GRM8: variants seen among roughly 807,000 people sequenced by gnomAD.
GRM8 encodes the protein glutamate metabotropic receptor 8, also known as metabotropic glutamate receptor 8.
A neutral mutation model predicts 87.2 loss-of-function variants in GRM8; 47 were observed. The ratio of observed to expected loss-of-function variants is 0.54; its 90% CI spans 0.43 to 0.69. The LOEUF is 0.69. Among genes scored for constraint, GRM8 ranks in the 30% least tolerant of loss-of-function variants. GRM8 has a pLI of 0.00. For missense variants in GRM8, 1,019 were observed against 1,139.2 expected (o/e 0.89, Z 1.52); for synonymous variants, 396 against 404.5 (o/e 0.98, Z 0.25).
intron 3 of GRM8, among the ~76,000 whole-genome samples, chr7:127,024,394 T>C (rs1224399466): frequency 6.6e-6 from 1 of 152,100 alleles, no homozygotes. Context: ...TCCACTGTTT[T>C]CTGGGGCCTA....
chr7:126,550,822 TAGAAAC>T (rs1392956220), intron 8 of GRM8, among the ~76,000 whole-genome samples: 2 of 151,868 alleles, frequency 1.3e-5, no homozygotes, highest in Admixed American at 6.6e-5. Context: ...ATAAAAGACT[TAGAAAC>T]AGAATAATGG....
At chr7:126,793,079 T>G (rs1235450178) in intron 6 of GRM8, among the ~76,000 whole-genome samples, 1 of 152,200 alleles carries the variant, frequency 6.6e-6, no homozygotes, top group Non-Finnish European at 1.5e-5. Context: ...GTTGGAAGAA[T>G]GTGTTGAACA....
chr7:127,213,832 T>C (rs1414302978), intron 2 of GRM8, among the ~76,000 whole-genome samples: 2 of 152,230 alleles, frequency 1.3e-5, no homozygotes, highest in Non-Finnish European at 2.9e-5. Context: ...TAGAAAAATA[T>C]TGGAAACCAT....
chr7:127,015,460 G>A (rs565470419), intron 3 of GRM8, among the ~76,000 whole-genome samples: 1 of 152,188 alleles, frequency 6.6e-6, no homozygotes, highest in Admixed American at 6.5e-5. Context: ...AGAGAAAAAG[G>A]TAAGGGGATG....
chr7:126,647,251 T>G (rs1803216662), intron 7 of GRM8, among the ~76,000 whole-genome samples: 1 of 151,796 alleles, frequency 6.6e-6, no homozygotes, highest in African/African-American at 2.4e-5. Flanking sequence ...GCACATTTAT[T>G]GTGAAGGATT....
intron 2 of GRM8, among the ~76,000 whole-genome samples, chr7:127,202,649 G>A (rs1418008892): frequency 3.3e-5 from 5 of 152,044 alleles, no homozygotes; most frequent in African/African-American, 1.2e-4. Context: ...TACTGGTAAA[G>A]GCTCTGAGAC....
intron 7 of GRM8, among the ~76,000 whole-genome samples, chr7:126,615,520 A>C (rs985425128): frequency 2.6e-5 from 4 of 152,230 alleles, no homozygotes; most frequent in Non-Finnish European, 4.4e-5. Flanking sequence ...ATTCACATAT[A>C]ACAATATTAA....
At chr7:126,817,120 A>G (rs1472878181) in intron 6 of GRM8, among the ~76,000 whole-genome samples, 1 of 152,134 alleles carries the variant, frequency 6.6e-6, no homozygotes, top group Admixed American at 6.6e-5. Context: ...GTTTCCACAC[A>G]TTTATGGCTC....
chr7:127,023,662 T>G (rs1816493618), intron 3 of GRM8, among the ~76,000 whole-genome samples: 1 of 152,124 alleles, frequency 6.6e-6, no homozygotes, highest in Non-Finnish European at 1.5e-5. Context: ...CAAAAGGTTT[T>G]GATCATTTCA....
chr7:126,769,036 T>C (rs1314874510), intron 7 of GRM8, among the ~76,000 whole-genome samples: 5 of 152,028 alleles, frequency 3.3e-5, no homozygotes, highest in Non-Finnish European at 5.9e-5. Flanking sequence ...TGTGTTATGA[T>C]AGACGGTGCA....
chr7:126,573,590 A>AT (rs3216283), intron 8 of GRM8, among the ~76,000 whole-genome samples: 109 of 148,320 alleles, frequency 7.3e-4, no homozygotes, highest in African/African-American at 1.6e-3. Flanking sequence ...TTATTTTTTA[A>AT]TTTTTTTTTT....
intron 6 of GRM8, among the ~76,000 whole-genome samples, chr7:126,882,910 G>A (rs544619054): frequency 2.0e-5 from 3 of 152,008 alleles, no homozygotes; most frequent in Non-Finnish European, 4.4e-5. Flanking sequence ...CTTTACCCTG[G>A]GGCAGTTTTC....
At chr7:126,702,864 A>G (rs1175951821) in intron 7 of GRM8, among the ~76,000 whole-genome samples, 1 of 152,208 alleles carries the variant, frequency 6.6e-6, no homozygotes, top group African/African-American at 2.4e-5. Context: ...GCTAAGTGAT[A>G]AAGACCTAAA....
intron 2 of GRM8, among the ~76,000 whole-genome samples, chr7:127,150,771 A>ACC (rs1828816841): frequency 1.3e-5 from 2 of 151,998 alleles, no homozygotes; most frequent in Non-Finnish European, 2.9e-5. Context: ...TAGAGTCTGT[A>ACC]TGGGTCTTAT....
At chr7:126,879,253 G>GCAAT (rs1387993502) in intron 6 of GRM8, among the ~76,000 whole-genome samples, 1 of 151,512 alleles carries the variant, frequency 6.6e-6, no homozygotes, top group African/African-American at 2.4e-5. Context: ...AGGGGAAGAG[G>GCAAT]CAATTTATTC....
intron 7 of GRM8, among the ~76,000 whole-genome samples, chr7:126,654,038 C>G (rs1804233339): frequency 6.6e-6 from 1 of 152,192 alleles, no homozygotes; most frequent in Non-Finnish European, 1.5e-5. Flanking sequence ...ACAGCTTTCC[C>G]TAGAGTCAAG....
At chr7:126,602,838 C>A (rs971669131) in intron 8 of GRM8, among the ~76,000 whole-genome samples, 30 of 142,776 alleles carry the variant, frequency 2.1e-4, no homozygotes, top group Non-Finnish European at 4.7e-5. Context: ...CCTTCTGAAA[C>A]TATTCCAATC....
chr7:127,109,148 T>C (rs1826100884), intron 2 of GRM8, among the ~76,000 whole-genome samples: 1 of 152,036 alleles, frequency 6.6e-6, no homozygotes, highest in South Asian at 2.1e-4. Flanking sequence ...CTACATCAAA[T>C]TCACTGCAAC....
At position 127,106,443 on chromosome 7, in the gene GRM8, G is replaced by A. The variant is rs935500426; in HGVS notation, c.727+53C>T. ...TAAGAGAGCACTTGGAGATGCTCAG[G>A]CATCAGCAATCTGTCACCTCCAAAT... On this transcript the variant is annotated intron_variant, in intron 3 of 10. Coordinates refer to ENST00000339582, the MANE Select transcript of GRM8 (RefSeq NM_000845.3). 5.8e-6 allele frequency: 8 copies of A among 1,382,206 alleles called. No homozygotes were observed. In the East Asian group the frequency reaches 1.4e-4, roughly 24 times the overall value. The allele number at this position is 1,382,206 out of a possible 1,614,324, so 85.6% of individuals were successfully genotyped here. A position where few individuals can be genotyped will look rare whatever the true frequency, so the allele number is the denominator to read the frequency against.
Sources: gnomAD v4.1 joint callset for allele counts (sites outside exome capture counted in the v4.1 genomes callset) on GRCh38, gnomAD v4.1.1 for gene constraint, MANE v1.5 for transcripts, NCBI Gene and HGNC (gene_info 2026-07-23, HGNC 2026-07-21) for gene names.